ZFHX3: variants seen among roughly 807,000 people sequenced by gnomAD.
ZFHX3 encodes zinc finger homeobox 3.
Under a neutral mutation model 279.1 loss-of-function variants are expected in ZFHX3, and 42 were observed. The ratio of observed to expected loss-of-function variants is 0.15; its 90% CI spans 0.12 to 0.19. The LOEUF is 0.19. ZFHX3 is among the 10% of genes least tolerant of loss of function. ZFHX3 has a pLI of 1.00. For synonymous variants in ZFHX3, 2,293 were observed against 1,957.8 expected (o/e 1.17, Z -4.52); for missense variants, 4,981 against 4,754.0 (o/e 1.05, Z -1.40).
intron 2 of ZFHX3, among the ~76,000 whole-genome samples, chr16:73,561,353 C>T (rs2020366372): frequency 6.6e-6 from 1 of 152,198 alleles, no homozygotes; most frequent in African/African-American, 2.4e-5. Context: ...TGTTTTACCA[C>T]TTTTACTGCA....
intron 3 of ZFHX3, among the ~76,000 whole-genome samples, chr16:73,350,646 C>T (rs1224046332): frequency 6.6e-6 from 1 of 152,168 alleles, no homozygotes; most frequent in Non-Finnish European, 1.5e-5. Flanking sequence ...CTCATATAGG[C>T]TTATGTTTCA....
At chr16:72,907,953 G>A (rs956228950) in intron 3 of ZFHX3, among the ~76,000 whole-genome samples, 3 of 151,912 alleles carry the variant, frequency 2.0e-5, no homozygotes, top group African/African-American at 4.8e-5. Flanking sequence ...CAAAGTGCTG[G>A]GATTACAGCA....
intron 1 of ZFHX3, among the ~76,000 whole-genome samples, chr16:73,745,418 A>C (rs2053694801): frequency 6.6e-6 from 1 of 152,224 alleles, no homozygotes; most frequent in Admixed American, 6.5e-5. Flanking sequence ...TACAAGGAGC[A>C]GGGCATAGAC....
intron 3 of ZFHX3, among the ~76,000 whole-genome samples, chr16:73,364,744 AC>A (rs1052388613): frequency 1.3e-5 from 2 of 152,112 alleles, no homozygotes; most frequent in African/African-American, 4.8e-5. Context: ...GCTTGTAAGC[AC>A]CCTGCGACCG....
At chr16:73,322,305 T>C (rs2015591392) in intron 3 of ZFHX3, among the ~76,000 whole-genome samples, 1 of 151,818 alleles carries the variant, frequency 6.6e-6, no homozygotes, top group Non-Finnish European at 1.5e-5. Context: ...GCTTATGATA[T>C]ACTTTTCACA....
At chr16:73,482,727 A>G (rs945703782) in intron 2 of ZFHX3, among the ~76,000 whole-genome samples, 1 of 152,232 alleles carries the variant, frequency 6.6e-6, no homozygotes, top group Non-Finnish European at 1.5e-5. Flanking sequence ...AGAGAGAGGT[A>G]TCGCCTTCCA....
rs201235812 is a variant in ZFHX3 at position 73,685,024 on chromosome 16, TA to T, written c.-1607-4785del. On this transcript the variant is annotated intron_variant, in intron 1 of 17. Transcript: ENST00000641206. ...CAACAAGGGTCATTTTATTTATTAT[TA>T]TTTTTTTTGAGACAGAGTCTCACTC... Among the ~76,000 whole-genome samples the T allele has an allele frequency of 2.7e-3, 339 of 124,252 alleles. 4 individuals carry two copies. Among genetic ancestry groups the T allele is most frequent in the African/African-American group, 4.6e-3 (153 of 33,426 alleles). The allele number at this position is 124,252 out of a possible 152,430, so 81.5% of individuals were successfully genotyped here. A position where few individuals can be genotyped will look rare whatever the true frequency, so the allele number is the denominator to read the frequency against.
intron 3 of ZFHX3, among the ~76,000 whole-genome samples, chr16:72,948,376 T>G (rs970781624): frequency 6.6e-6 from 1 of 151,980 alleles, no homozygotes; most frequent in Non-Finnish European, 1.5e-5. Flanking sequence ...GAGCAACAGT[T>G]TCCTCTACCT....
chr16:73,359,556 T>C (rs759849640), intron 3 of ZFHX3, among the ~76,000 whole-genome samples: 1 of 152,122 alleles, frequency 6.6e-6, no homozygotes, highest in African/African-American at 2.4e-5. Context: ...GCCATGTTCT[T>C]AGGACTGGAG....
At chr16:73,862,316 A>C (rs1961902585) in intron 1 of ZFHX3, among the ~76,000 whole-genome samples, 1 of 152,182 alleles carries the variant, frequency 6.6e-6, no homozygotes, top group African/African-American at 2.4e-5. Flanking sequence ...TCAACTACCA[A>C]AAGTGAATTC....
At chr16:73,481,118 G>A (rs2018857453) in intron 2 of ZFHX3, among the ~76,000 whole-genome samples, 2 of 152,028 alleles carry the variant, frequency 1.3e-5, no homozygotes, top group South Asian at 4.2e-4. Flanking sequence ...ATCACTTGAG[G>A]TCAGGTTTGA....
At chr16:73,739,936 T>G (rs2053640479) in intron 1 of ZFHX3, among the ~76,000 whole-genome samples, 1 of 152,170 alleles carries the variant, frequency 6.6e-6, no homozygotes, top group South Asian at 2.1e-4. Flanking sequence ...TATTTTTAAC[T>G]GCAAACCAGC....
intron 2 of ZFHX3, among the ~76,000 whole-genome samples, chr16:73,546,929 C>A (rs766045462): frequency 5.3e-5 from 8 of 151,894 alleles, no homozygotes; most frequent in Non-Finnish European, 1.2e-4. Context: ...TCATTTCAGG[C>A]CCCTCCGACC....
chr16:73,227,641 G>A (rs1189143283), intron 5 of ZFHX3, among the ~76,000 whole-genome samples: 1 of 151,826 alleles, frequency 6.6e-6, no homozygotes, highest in African/African-American at 2.4e-5. Context: ...TTGAGCTCAC[G>A]AGCCCGAGAC....
rs1370295025 is a variant in ZFHX3 at position 72,787,073 on chromosome 16, CTT to C, written c.*89_*90del. ...TTTTTTTTTGTTTTTTGGTTAGAAG[CTT>C]TGGAATTGCAGTTAGTCTATTTTTG... On this transcript the variant is annotated 3_prime_UTR_variant, in exon 10 of 10. Transcript: ENST00000268489. 1 of 940,956 alleles carries C rather than the reference CTT, an allele frequency of 1.1e-6. No homozygotes were observed. Among genetic ancestry groups the C allele is most frequent in the East Asian group, 4.0e-5 (1 of 24,824 alleles). The allele number at this position is 940,956 out of a possible 1,614,324, so 58.3% of individuals were successfully genotyped here. A position where few individuals can be genotyped will look rare whatever the true frequency, so the allele number is the denominator to read the frequency against.
At chr16:73,014,104 GAC>G (rs753297300) in intron 1 of ZFHX3, among the ~76,000 whole-genome samples, 29 of 152,130 alleles carry the variant, frequency 1.9e-4, no homozygotes, top group Non-Finnish European at 4.1e-4. Context: ...ACAGAAGCAT[GAC>G]ACAGAGTGAT....
chr16:72,902,857 A>G (rs2039075193), intron 3 of ZFHX3, among the ~76,000 whole-genome samples: 1 of 152,182 alleles, frequency 6.6e-6, no homozygotes, highest in Non-Finnish European at 1.5e-5. Flanking sequence ...TGAACCTCAA[A>G]GTCTGACAGT....
chr16:73,852,683 G>A (rs1452512889), intron 1 of ZFHX3, among the ~76,000 whole-genome samples: 1 of 152,150 alleles, frequency 6.6e-6, no homozygotes, highest in African/African-American at 2.4e-5. Context: ...CTCCTAGGAA[G>A]ACTGAGCTTT....
chr16:73,782,853 ACT>A (rs1241000376), intron 1 of ZFHX3, among the ~76,000 whole-genome samples: 1 of 152,240 alleles, frequency 6.6e-6, no homozygotes, highest in Non-Finnish European at 1.5e-5. Flanking sequence ...TGAAATATGC[ACT>A]GTTTCTTAGG....
Sources: gnomAD v4.1 joint callset for allele counts (sites outside exome capture counted in the v4.1 genomes callset) on GRCh38, gnomAD v4.1.1 for gene constraint, MANE v1.5 for transcripts, NCBI Gene and HGNC (gene_info 2026-07-23, HGNC 2026-07-21) for gene names.